DAAM1: variants seen among roughly 807,000 people sequenced by gnomAD.
DAAM1 encodes the protein dishevelled associated activator of morphogenesis 1.
In DAAM1, 52 loss-of-function variants were observed where a neutral mutation model predicts 130.0. That is an observed-to-expected ratio of 0.40 (90% CI 0.32 to 0.50). DAAM1 has a LOEUF of 0.50. Among genes scored for constraint, DAAM1 ranks in the 20% least tolerant of loss-of-function variants. The pLI is 0.61. For missense variants in DAAM1, 1,134 were observed against 1,303.8 expected, an observed-to-expected ratio of 0.87 and a Z score of 2.01; for synonymous variants, 452 against 444.5, an observed-to-expected ratio of 1.02 and a Z score of -0.21.
chr14:59,334,412 C>T (rs545866181), intron 15 of DAAM1, among the ~76,000 whole-genome samples: 1 of 152,136 alleles, frequency 6.6e-6, no homozygotes, highest in Non-Finnish European at 1.5e-5. Flanking sequence ...AATGAATACT[C>T]GGGATCTATT....
chr14:59,267,350 C>T (rs1179514327), intron 2 of DAAM1, among the ~76,000 whole-genome samples: 1 of 152,140 alleles, frequency 6.6e-6, no homozygotes, highest in Non-Finnish European at 1.5e-5. Flanking sequence ...AATAGGAGGT[C>T]AGCCATGTGA....
At chr14:59,250,668 A>G (rs1448750707) in intron 1 of DAAM1, among the ~76,000 whole-genome samples, 2 of 152,024 alleles carry the variant, frequency 1.3e-5, no homozygotes, top group African/African-American at 4.8e-5. Context: ...CCACAGAGAC[A>G]AACTTAGGTA....
chr14:59,195,470 C>G (rs1163061186), intron 1 of DAAM1, among the ~76,000 whole-genome samples: 2 of 152,158 alleles, frequency 1.3e-5, no homozygotes, highest in Non-Finnish European at 2.9e-5. Flanking sequence ...TTAAGTATGT[C>G]ATTCACCTTT....
chr14:59,369,363 AG>A lies in DAAM1; in HGVS notation c.*505del, dbSNP rs1887054650. 6.5e-6 allele frequency: 1 copy of A among 153,242 alleles called. No homozygotes were observed. Among genetic ancestry groups the A allele is most frequent in the African/African-American group, 2.4e-5 (1 of 41,470 alleles). 9.5% of individuals were successfully genotyped at this position (153,242 alleles called of 1,614,324 possible). A position where few individuals can be genotyped will look rare whatever the true frequency, so the allele number is the denominator to read the frequency against. ...ACATAGATTTAAAATGATTTTTGAT[AG>A]CTGACATTGTGATGTTGATGTATCA... On this transcript the variant is annotated 3_prime_UTR_variant, in exon 25 of 25. Coordinates refer to ENST00000360909, the MANE Select transcript of DAAM1 (RefSeq NM_001270520.2).
At chr14:59,205,741 T>A (rs1396315165) in intron 1 of DAAM1, among the ~76,000 whole-genome samples, 1 of 152,244 alleles carries the variant, frequency 6.6e-6, no homozygotes, top group Admixed American at 6.5e-5. Context: ...GTTAAGAGAA[T>A]AATTTTATAT....
At chr14:59,351,551 C>T (rs1375007401) in intron 17 of DAAM1, among the ~76,000 whole-genome samples, 1 of 152,164 alleles carries the variant, frequency 6.6e-6, no homozygotes, top group Non-Finnish European at 1.5e-5. Flanking sequence ...ATAGTATACA[C>T]TCTGCCTGGA....
chr14:59,206,079 C>T (rs1259395242), intron 1 of DAAM1, among the ~76,000 whole-genome samples: 1 of 151,920 alleles, frequency 6.6e-6, no homozygotes, highest in African/African-American at 2.4e-5. Flanking sequence ...GTCTCGAACT[C>T]CTGGGCTCAA....
At chr14:59,285,288 G>A (rs1445985298) in intron 2 of DAAM1, among the ~76,000 whole-genome samples, 7 of 152,062 alleles carry the variant, frequency 4.6e-5, no homozygotes, top group South Asian at 2.1e-4. Flanking sequence ...TTAGACCTGC[G>A]TTACAAGATC....
At chr14:59,239,998 C>T (rs1461456920) in intron 1 of DAAM1, among the ~76,000 whole-genome samples, 3 of 152,176 alleles carry the variant, frequency 2.0e-5, no homozygotes, top group South Asian at 4.1e-4. Context: ...GGAGGTGTTA[C>T]ATTACTCATG....
chr14:59,267,496 A>C (rs1029169536), intron 2 of DAAM1, among the ~76,000 whole-genome samples: 4 of 152,156 alleles, frequency 2.6e-5, no homozygotes, highest in Admixed American at 2.6e-4. Flanking sequence ...ACTTAAAAAA[A>C]AAAACAAAAA....
chr14:59,252,619 A>G (rs1421770349), intron 1 of DAAM1, among the ~76,000 whole-genome samples: 2 of 152,214 alleles, frequency 1.3e-5, no homozygotes, highest in East Asian at 3.8e-4. Flanking sequence ...TACTCTGCTG[A>G]TACACACAGG....
chr14:59,228,128 A>T (rs191202153), intron 1 of DAAM1, among the ~76,000 whole-genome samples: 47 of 152,238 alleles, frequency 3.1e-4, no homozygotes, highest in African/African-American at 1.1e-3. Flanking sequence ...ATCTTAAGGG[A>T]AGAAAAAAAA....
rs1381913165 is a variant in DAAM1, at chr14:59,369,753, T to TTAA, written c.*894_*895insTAA. ...AATTCTCTGAAGGGATAAAGATTACTAAAAAAAAAAAAAAAAAAAAAAAAT... is the reference window on the plus strand; with the variant it reads ...AATTCTCTGAAGGGATAAAGATTACTTAAAAAAAAAAAAAAAAAAAAAAAAAAT... On this transcript the variant is annotated 3_prime_UTR_variant, in exon 25 of 25. Coordinates refer to ENST00000360909, the MANE Select transcript of DAAM1 (RefSeq NM_001270520.2). The TTAA allele has an allele frequency of 8.8e-4, 84 of 95,622 alleles. No homozygotes were observed. The highest frequency in any genetic ancestry group is 3.4e-3 in the African/African-American group (81 of 23,900). The allele number at this position is 95,622 out of a possible 1,614,324, so 5.9% of individuals were successfully genotyped here. A position where few individuals can be genotyped will look rare whatever the true frequency, so the allele number is the denominator to read the frequency against.
At position 59,331,356 on chromosome 14, in the gene DAAM1, C is replaced by T. The variant is rs866795002; in HGVS notation, c.1708C>T (p.Pro570Ser). 1.2e-6 allele frequency: 2 copies of T among 1,612,508 alleles called. No individual in the cohort carries two copies. The highest frequency in any genetic ancestry group is 3.7e-4 in the Middle Eastern group (2 of 5,344). Residue 570 changes from proline (P) to serine (S), a missense_variant, in exon 14 of 25, where the codon CCT (proline) becomes TCT (serine). Coordinates refer to ENST00000360909, the MANE Select transcript of DAAM1 (RefSeq NM_001270520.2). ...GMLPPPPPPL[P>S]PGGPPPPPGP... ...GCTTCCCCCTCCACCGCCTCCCCTCCCTCCAGGTGGCCCTCCTCCTCCCCC... is the reference window on the plus strand; with the variant it reads ...GCTTCCCCCTCCACCGCCTCCCCTCTCTCCAGGTGGCCCTCCTCCTCCCCC...
intron 1 of DAAM1, among the ~76,000 whole-genome samples, chr14:59,203,241 C>T (rs904192095): frequency 2.0e-5 from 3 of 148,972 alleles, no homozygotes; most frequent in Admixed American, 1.4e-4. Context: ...ATCTCCTGAC[C>T]TCATGATCTG....
intron 15 of DAAM1, chr14:59,338,520 C>A: frequency 7.7e-7 from 1 of 1,295,722 alleles, no homozygotes; most frequent in Non-Finnish European, 1.1e-6. Flanking sequence ...TGTTTTTTTA[C>A]ATAGTGTAAT....
chr14:59,328,567 C>G (rs914003347), intron 12 of DAAM1, among the ~76,000 whole-genome samples: 5 of 152,202 alleles, frequency 3.3e-5, no homozygotes, highest in Non-Finnish European at 7.3e-5. Flanking sequence ...TCAGCTCTCC[C>G]CCTTTCTCAC....
intron 2 of DAAM1, among the ~76,000 whole-genome samples, chr14:59,276,043 A>C (rs1243923295): frequency 1.3e-5 from 2 of 152,196 alleles, no homozygotes; most frequent in Non-Finnish European, 2.9e-5. Context: ...GGTTGGGAGC[A>C]GGTAATAATT....
intron 1 of DAAM1, among the ~76,000 whole-genome samples, chr14:59,227,494 G>A (rs866926461): frequency 4.6e-5 from 7 of 152,198 alleles, no homozygotes; most frequent in Middle Eastern, 3.2e-3. Flanking sequence ...AGTATGATTT[G>A]CAAGTTTAAT....
Sources: gnomAD v4.1 joint callset for allele counts (sites outside exome capture counted in the v4.1 genomes callset) on GRCh38, gnomAD v4.1.1 for gene constraint, MANE v1.5 for transcripts, NCBI Gene and HGNC (gene_info 2026-07-23, HGNC 2026-07-21) for gene names.